Variants in ZYG11A observed in about 807,000 individuals in gnomAD.
ZYG11A encodes the protein zyg-11 family member A, cell cycle regulator.
A neutral mutation model predicts 77.2 loss-of-function variants in ZYG11A; 62 were observed. The ratio of observed to expected loss-of-function variants is 0.80; its 90% CI spans 0.65 to 0.99. The LOEUF is 0.99. ZYG11A is among the 50% of genes least tolerant of loss of function. The pLI is 0.00. For synonymous variants in ZYG11A, 315 were observed against 324.6 expected (o/e 0.97, Z 0.32); for missense variants, 828 against 896.8 (o/e 0.92, Z 0.98).
intron 8 of ZYG11A, among the ~76,000 whole-genome samples, chr1:52,874,562 TTTAAA>T: frequency 6.6e-6 from 1 of 152,234 alleles, no homozygotes; most frequent in Non-Finnish European, 1.5e-5. Flanking sequence ...ATAAAATATT[TTTAAA>T]TTAAAGTATC....
chr1:52,878,635 A>T (rs1413718237), intron 10 of ZYG11A, among the ~76,000 whole-genome samples: 5 of 152,102 alleles, frequency 3.3e-5, no homozygotes, highest in Non-Finnish European at 7.4e-5. Flanking sequence ...AATGCCGTTT[A>T]TCCTAATTAG....
chr1:52,851,279 C>G (rs1645705647), intron 1 of ZYG11A, among the ~76,000 whole-genome samples: 1 of 152,148 alleles, frequency 6.6e-6, no homozygotes, highest in African/African-American at 2.4e-5. Context: ...CTCCTCAGCT[C>G]ACATGATCTA....
At chr1:52,843,736 G>GA (rs796649311) in intron 1 of ZYG11A, among the ~76,000 whole-genome samples, 23 of 140,712 alleles carry the variant, frequency 1.6e-4, no homozygotes, top group African/African-American at 6.1e-4. Flanking sequence ...CACCAGGCTG[G>GA]AGTGCAGTGG....
chr1:52,852,410 C>T (rs1482217141), intron 1 of ZYG11A, among the ~76,000 whole-genome samples: 2 of 146,862 alleles, frequency 1.4e-5, no homozygotes, highest in Admixed American at 1.4e-4. Context: ...GTCACCCATG[C>T]TGGAGTGCAG....
chr1:52,843,686 T>TTG (rs1645500916), intron 1 of ZYG11A, among the ~76,000 whole-genome samples: 3 of 106,442 alleles, frequency 2.8e-5, no homozygotes, highest in Non-Finnish European at 6.3e-5. Context: ...TTTTCTTTCT[T>TTG]TCTTTTTTTT....
rs761843807 is a variant in ZYG11A at position 52,842,835 on chromosome 1, T to G, written c.-49T>G. The G allele has an allele frequency of 2.3e-5, 35 of 1,508,698 alleles. No homozygotes were observed. Among genetic ancestry groups the G allele is most frequent in the East Asian group, 5.4e-5 (2 of 37,216 alleles). 93.5% of individuals were successfully genotyped at this position (1,508,698 alleles called of 1,614,324 possible). ...CGCTTGGTTCTCGCGGGATCCGGGC[T>G]CCGGCTCGACGCCGGCTCTCTTTTT... On this transcript the variant is annotated 5_prime_UTR_variant, in exon 1 of 14. Transcript: ENST00000371528.
rs1444011665 is a variant in ZYG11A, at chr1:52,866,560, T to A, written c.1384T>A (p.Phe462Ile). 6.5e-7 allele frequency: 1 copy of A among 1,540,240 alleles called. No individual in the cohort carries two copies. The highest frequency in any genetic ancestry group is 2.5e-5 in the East Asian group (1 of 40,792). Residue 462 changes from phenylalanine to isoleucine, a missense_variant, in exon 6 of 14, where the codon TTT (phenylalanine) becomes ATT (isoleucine). Phe to Ile is a conservative substitution (Grantham distance 21). Coordinates refer to ENST00000371528, the MANE Select transcript of ZYG11A (RefSeq NM_001004339.3). ...TNSRILVDVPFDRFDAAKFVM... is the reference protein window; with the variant it reads ...TNSRILVDVPIDRFDAAKFVM... The stretch of plus-strand genomic sequence containing the variant: ...TTCCAGGATTCTTGTGGATGTTCCA[T>A]TTGACAGGCAAGTATAAGACTTGGT...
chr1:52,873,071 G>C (rs1021901142), intron 8 of ZYG11A, among the ~76,000 whole-genome samples: 2 of 152,028 alleles, frequency 1.3e-5, no homozygotes, highest in African/African-American at 4.8e-5. Flanking sequence ...TGTAATCCTA[G>C]CACTTTGGGA....
At chr1:52,851,914 A>AT (rs143301493) in intron 1 of ZYG11A, among the ~76,000 whole-genome samples, 11,320 of 126,564 alleles carry the variant, frequency 0.089, 1,031 homozygotes, top group African/African-American at 0.24. Context: ...TGCCTTCCTA[A>AT]TTTTTTTTTT....
At chr1:52,852,008 G>A (rs989404402) in intron 1 of ZYG11A, among the ~76,000 whole-genome samples, 10 of 150,992 alleles carry the variant, frequency 6.6e-5, no homozygotes, top group Non-Finnish European at 7.4e-5. Context: ...TCCGCCTCCC[G>A]GGTTCAAGTG....
intron 10 of ZYG11A, among the ~76,000 whole-genome samples, chr1:52,880,934 A>G (rs1454088747): frequency 1.3e-5 from 2 of 152,206 alleles, no homozygotes; most frequent in Non-Finnish European, 2.9e-5. Context: ...GAAACCAGGG[A>G]ATCATAAATG....
Position 52,867,635 on chromosome 1 carries a change from G to T in ZYG11A, c.1488G>T (p.Leu496=). ...MAVSVTSILA[L]QLSPEQTAQL... ...TGAGTGTCACCTCTATTCTGGCTCT[G>T]CAGGTTTGTGATTTCTTAAAGGCAA... Residue 496 remains leucine, a synonymous_variant, in exon 7 of 14, where the codon CTG becomes CTT. Transcript: ENST00000371528. 6.4e-7 allele frequency: 1 copy of T among 1,551,864 alleles called. No individual in the cohort carries two copies. Among genetic ancestry groups the T allele is most frequent in the Non-Finnish European group, 8.7e-7 (1 of 1,146,802 alleles).
rs1166332690 is a variant in ZYG11A, at chr1:52,869,861, A to AC, written c.1542+2091dup. Among the ~76,000 whole-genome samples, 81 of 125,064 alleles carry AC rather than the reference A, an allele frequency of 6.5e-4. 1 individual carries two copies. Among genetic ancestry groups the AC allele is most frequent in the African/African-American group, 1.5e-3 (49 of 31,776 alleles). 82.0% of individuals were successfully genotyped at this position (125,064 alleles called of 152,430 possible). A position where few individuals can be genotyped will look rare whatever the true frequency, so the allele number is the denominator to read the frequency against. ...CCTCACCTCCCGGACGGGACGGCTG[A>AC]CCCCCCCACACCTCCCTCCCGGACG... On this transcript the variant is annotated intron_variant, in intron 8 of 13. Coordinates refer to ENST00000371528, the MANE Select transcript of ZYG11A (RefSeq NM_001004339.3).
intron 8 of ZYG11A, among the ~76,000 whole-genome samples, chr1:52,868,659 G>C (rs563446015): frequency 3.3e-5 from 5 of 151,906 alleles, no homozygotes; most frequent in Admixed American, 3.3e-4. Flanking sequence ...GTGGTGGTGC[G>C]TCCTGTAATC....
At chr1:52,852,860 C>T (rs1482215681) in intron 1 of ZYG11A, among the ~76,000 whole-genome samples, 8 of 152,126 alleles carry the variant, frequency 5.3e-5, no homozygotes, top group African/African-American at 1.9e-4. Flanking sequence ...TCATCTAACA[C>T]AAAGCCCATT....
chr1:52,860,435 C>T (rs1044600098), intron 3 of ZYG11A, among the ~76,000 whole-genome samples: 2 of 152,052 alleles, frequency 1.3e-5, no homozygotes, highest in East Asian at 1.9e-4. Flanking sequence ...GTAGCTGGGA[C>T]TACAGGCGCC....
rs760568203 is a variant in ZYG11A at position 52,857,370 on chromosome 1, T to G, written c.629T>G (p.Leu210Ter). 106 of 1,551,664 alleles carry G rather than the reference T, an allele frequency of 6.8e-5. No individual in the cohort carries two copies. The highest frequency in any genetic ancestry group is 8.6e-5 in the Non-Finnish European group (99 of 1,146,998). Reference sequence around the variant, plus strand: ...TCTCAGTTACCAAGACTGGAAAGCTTAGATATCTCTAATACTCTAGTCACT... The same window carrying G: ...TCTCAGTTACCAAGACTGGAAAGCTGAGATATCTCTAATACTCTAGTCACT... The part of the protein sequence containing the change: ...NVSQLPRLES[L>*]DISNTLVTDI... The change falls in exon 3 of 14, where the codon TTA (leucine) becomes TGA (stop). Residue 210 changes from leucine (L) to a stop codon, truncating the protein, a stop_gained. Coordinates refer to ENST00000371528, the MANE Select transcript of ZYG11A (RefSeq NM_001004339.3). LOFTEE classifies it high-confidence loss of function.
At chr1:52,859,173 A>G (rs1557436042) in intron 3 of ZYG11A, among the ~76,000 whole-genome samples, 2 of 151,224 alleles carry the variant, frequency 1.3e-5, no homozygotes, top group South Asian at 4.2e-4. Flanking sequence ...GAGATCCCCA[A>G]ATTTTTTTTG....
Position 52,893,161 on chromosome 1 carries a change from G to C in ZYG11A, c.*204G>C. The C allele has an allele frequency of 1.9e-6, 1 of 534,406 alleles. No individual in the cohort carries two copies. The highest frequency in any genetic ancestry group is 3.3e-6 in the Non-Finnish European group (1 of 305,036). The allele number at this position is 534,406 out of a possible 1,614,324, so 33.1% of individuals were successfully genotyped here. A position where few individuals can be genotyped will look rare whatever the true frequency, so the allele number is the denominator to read the frequency against. ...GTTGGACTCATTCTGCAGCCTTTCA[G>C]CAGCAATTTTGAAGACTCAAACCGT... On this transcript the variant is annotated 3_prime_UTR_variant, in exon 14 of 14. Transcript: ENST00000371528.
Sources: allele counts gnomAD v4.1 joint callset (sites outside exome capture counted in the v4.1 genomes callset), GRCh38; gene constraint gnomAD v4.1.1; transcripts MANE v1.5; gene names NCBI Gene and HGNC (gene_info 2026-07-23, HGNC 2026-07-21).